The following SYNE2 variants were observed in gnomAD, a reference collection of about 807,000 sequenced individuals.
SYNE2 encodes the protein nesprin-2.
In SYNE2, 431 loss-of-function variants were observed where a neutral mutation model predicts 856.3. The ratio of observed to expected loss-of-function variants is 0.50; its 90% CI spans 0.47 to 0.55. The LOEUF (loss-of-function observed/expected upper bound fraction) is 0.55. SYNE2 is among the 20% of genes least tolerant of loss of function. The pLI is 0.00. For missense variants in SYNE2, 8,129 were observed against 8,023.2 expected (o/e 1.01, Z -0.50); for synonymous variants, 2,923 against 2,872.3 (o/e 1.02, Z -0.56).
chr14:63,834,658 T>G (rs1296612431), intron 1 of SYNE2, among the ~76,000 whole-genome samples: 2 of 149,874 alleles, frequency 1.3e-5, no homozygotes, highest in African/African-American at 4.9e-5. Context: ...TTTTTTTTTT[T>G]TGAGATAGAG....
intron 45 of SYNE2, among the ~76,000 whole-genome samples, chr14:64,045,450 G>GT (rs1217375360): frequency 6.7e-6 from 1 of 148,352 alleles, no homozygotes; most frequent in Non-Finnish European, 1.5e-5. Flanking sequence ...ATTTCGGGGG[G>GT]TGGGGGTCCT....
chr14:64,167,610 G>A lies in SYNE2; in HGVS notation c.16876G>A (p.Glu5626Lys). ...AGTGGATGTGGCTAACAGCCTTCCT[G>A]AGCTCCTGGAGCAGCAGAAAACCTA... Reference protein sequence around the residue: ...LKVDVANSLPELLEQQKTYKM... With the variant: ...LKVDVANSLPKLLEQQKTYKM... Residue 5626 changes from glutamate to lysine, a missense_variant, in exon 92 of 116, where the codon GAG (glutamate) becomes AAG (lysine). By Grantham distance (56) the Glu-to-Lys change is moderately conservative. Around this residue, in one of 3 missense-constraint regions of SYNE2, gnomAD observed 5,410 missense variants for 5,284.8 expected, o/e 1.02. Transcript: ENST00000555002. 1 of 1,614,198 alleles carries A rather than the reference G, an allele frequency of 6.2e-7. No individual in the cohort carries two copies. The highest frequency in any genetic ancestry group is 8.5e-7 in the Non-Finnish European group (1 of 1,180,040).
chr14:64,063,024 A>G (rs1426852595), intron 50 of SYNE2, 129 bp downstream of exon 50: 3 of 1,089,226 alleles, frequency 2.8e-6, no homozygotes, highest in East Asian at 5.0e-5. Flanking sequence ...ATATCCATGA[A>G]TATTCCTCAA....
intron 6 of SYNE2, among the ~76,000 whole-genome samples, chr14:63,948,630 C>T (rs1381309190): frequency 6.9e-6 from 1 of 144,396 alleles, no homozygotes; most frequent in East Asian, 2.0e-4. Context: ...CACTGCCCTC[C>T]AGCGTGGGCG....
chr14:64,038,359 T>C (rs1295310398), intron 45 of SYNE2, among the ~76,000 whole-genome samples: 2 of 144,030 alleles, frequency 1.4e-5, no homozygotes, highest in Non-Finnish European at 1.5e-5. Flanking sequence ...CTTTCCAGAC[T>C]GGGCAGCCAG....
chr14:63,761,826 G>T (rs1886493079), upstream of SYNE2, among the ~76,000 whole-genome samples: 1 of 152,182 alleles, frequency 6.6e-6, no homozygotes, highest in Non-Finnish European at 1.5e-5. Context: ...CTACTACAGT[G>T]AAAGTGTTCA....
At chr14:63,814,060 AAACAACAAC>A (rs71120290) in intron 1 of SYNE2, among the ~76,000 whole-genome samples, 76 of 150,006 alleles carry the variant, frequency 5.1e-4, no homozygotes, top group Non-Finnish European at 8.9e-4. Flanking sequence ...TCTGTCTCAA[AAACAACAAC>A]AACAACAACA....
intron 84 of SYNE2, 83 bp downstream of exon 84, chr14:64,146,306 A>G: frequency 7.6e-7 from 1 of 1,309,488 alleles, no homozygotes; most frequent in Non-Finnish European, 1.0e-6. Flanking sequence ...AAGTTGCTGT[A>G]GTTTGTGGAA....
At chr14:63,971,188 T>G (rs1373504595) in intron 11 of SYNE2, among the ~76,000 whole-genome samples, 1 of 151,476 alleles carries the variant, frequency 6.6e-6, no homozygotes. Context: ...CACGGCTAAC[T>G]GCAACCTCTG....
intron 64 of SYNE2, among the ~76,000 whole-genome samples, chr14:64,106,134 C>CA (rs1480193746): frequency 1.6e-5 from 1 of 63,538 alleles, no homozygotes; most frequent in Non-Finnish European, 2.4e-5. Context: ...ATTTCCAGAC[C>CA]CCCCCCCCCA....
chr14:64,011,184 G>C (rs1332772554), intron 32 of SYNE2, among the ~76,000 whole-genome samples: 1 of 152,164 alleles, frequency 6.6e-6, no homozygotes, highest in Non-Finnish European at 1.5e-5. Context: ...CACTTTCTCA[G>C]ACTTAGTTTC....
At chr14:64,099,095 A>C in intron 63 of SYNE2, 1 of 421,042 alleles carries the variant, frequency 2.4e-6, no homozygotes, top group Non-Finnish European at 4.4e-6. Context: ...ATTTCTGAGG[A>C]CTTTCTCTGA....
At chr14:64,116,063 T>G (rs183165524) in intron 66 of SYNE2, among the ~76,000 whole-genome samples, 1 of 152,096 alleles carries the variant, frequency 6.6e-6, no homozygotes, top group Admixed American at 6.6e-5. Context: ...CCCAGCTACC[T>G]GGGAGGCTGA....
chr14:63,913,241 G>T (rs544537329), intron 2 of SYNE2, among the ~76,000 whole-genome samples: 1 of 151,792 alleles, frequency 6.6e-6, no homozygotes, highest in Non-Finnish European at 1.5e-5. Flanking sequence ...GGCCCTGAGA[G>T]TACCCTTTAT....
chr14:63,946,505 A>G (rs1435062851), intron 6 of SYNE2, among the ~76,000 whole-genome samples: 1 of 74,414 alleles, frequency 1.3e-5, no homozygotes, highest in Non-Finnish European at 3.0e-5. Context: ...ACTGGAGATC[A>G]TATATATGTA....
intron 96 of SYNE2, among the ~76,000 whole-genome samples, chr14:64,180,134 A>C (rs2098451339): frequency 6.6e-6 from 1 of 152,192 alleles, no homozygotes; most frequent in Admixed American, 6.5e-5. Flanking sequence ...GTCTAATGTC[A>C]AATACCAAAT....
At chr14:64,148,069 T>C (rs1038849977) in intron 84 of SYNE2, among the ~76,000 whole-genome samples, 1 of 152,096 alleles carries the variant, frequency 6.6e-6, no homozygotes, top group Non-Finnish European at 1.5e-5. Flanking sequence ...CCCAGCACTT[T>C]GGGAGGCTGA....
At chr14:64,215,459 C>T in intron 107 of SYNE2, 105 bp downstream of exon 107, 2 of 1,113,698 alleles carry the variant, frequency 1.8e-6, no homozygotes, top group Admixed American at 3.4e-5. Context: ...TCTGTGGACA[C>T]CATGCGCCTT....
At chr14:63,762,112 C>A in intron 1 of SYNE2, 1 of 456,894 alleles carries the variant, frequency 2.2e-6, no homozygotes. Flanking sequence ...AAAATATGAT[C>A]CTACGATAGA....
Sources: allele counts gnomAD v4.1 joint callset (sites outside exome capture counted in the v4.1 genomes callset), GRCh38; gene constraint gnomAD v4.1.1; regional missense constraint gnomAD v4.1.1; transcripts MANE v1.5; gene names NCBI Gene and HGNC (gene_info 2026-07-23, HGNC 2026-07-21).